RNF169: variants seen among roughly 807,000 people sequenced by gnomAD.
RNF169 encodes ring finger protein 169, also known as E3 ubiquitin-protein ligase RNF169.
RNF169 carries 24 observed loss-of-function variants against 53.9 expected under a neutral mutation model. The observed-to-expected ratio is 0.45, with a 90% CI of 0.32 to 0.63. The LOEUF (loss-of-function observed/expected upper bound fraction) is 0.63. Ranked by LOEUF, RNF169 falls within the 20% of genes least tolerant of loss-of-function variation. The pLI, the probability that RNF169 is intolerant of heterozygous loss-of-function variation, is 0.04. For synonymous variants in RNF169, 396 were observed against 363.5 expected, an observed-to-expected ratio of 1.09 and a Z score of -1.02; for missense variants, 883 against 906.2, an observed-to-expected ratio of 0.97 and a Z score of 0.33.
At chr11:74,821,521 A>G (rs904614609) in intron 4 of RNF169, among the ~76,000 whole-genome samples, 2 of 115,746 alleles carry the variant, frequency 1.7e-5, no homozygotes, top group East Asian at 4.6e-4. Context: ...AGCCGGGCGT[A>G]GTGGCGGGCG....
At chr11:74,783,835 A>G (rs533849097) in intron 1 of RNF169, among the ~76,000 whole-genome samples, 26 of 152,352 alleles carry the variant, frequency 1.7e-4, no homozygotes, top group Non-Finnish European at 2.6e-4. Flanking sequence ...GTCTCACATC[A>G]GCAGTAACAA....
At chr11:74,808,016 A>G (rs1363095768) in intron 2 of RNF169, 6 of 152,170 alleles carry the variant, frequency 3.9e-5, no homozygotes, top group Non-Finnish European at 8.8e-5. Context: ...TTGCGGTGAA[A>G]ATGTTGTTTG....
In RNF169 at chr11:74,837,200, C is replaced by T. The variant is rs928971653; in HGVS notation, c.*470C>T. The T allele has an allele frequency of 2.6e-5, 4 of 154,492 alleles. No homozygotes were observed. The highest frequency in any genetic ancestry group is 9.6e-5 in the African/African-American group (4 of 41,452). 9.6% of individuals were successfully genotyped at this position (154,492 alleles called of 1,614,324 possible). On this transcript the variant is annotated 3_prime_UTR_variant, in exon 6 of 6. Transcript: ENST00000299563. ...ATGGTTATGTTACGCTTTCTGCTGT[C>T]CCTTGCCAAAAATAAGTAAATATAT...
intron 1 of RNF169, among the ~76,000 whole-genome samples, chr11:74,784,604 G>A (rs1565176279): frequency 6.6e-6 from 1 of 152,240 alleles, no homozygotes. Flanking sequence ...AGGGAAACTC[G>A]TTAGAGACTT....
chr11:74,785,585 GTACTT>G (rs2035488584), intron 1 of RNF169, among the ~76,000 whole-genome samples: 1 of 151,894 alleles, frequency 6.6e-6, no homozygotes, highest in East Asian at 1.9e-4. Flanking sequence ...TATTCAAGAA[GTACTT>G]TACTTTCTAT....
chr11:74,766,029 A>G (rs557014507), intron 1 of RNF169, among the ~76,000 whole-genome samples: 1 of 152,232 alleles, frequency 6.6e-6, no homozygotes, highest in East Asian at 1.9e-4. Context: ...AGATTGATCA[A>G]AGAAAAGGCA....
At chr11:74,750,810 GCCAGGCTGGTCTTGAACTCCTGA>G (rs2034878510) in intron 1 of RNF169, among the ~76,000 whole-genome samples, 1 of 148,764 alleles carries the variant, frequency 6.7e-6, no homozygotes, top group South Asian at 2.1e-4. Context: ...CACTGTGTTG[GCCAGGCTGGTCTTGAACTCCTGA>G]CCTTGTGATC....
intron 4 of RNF169, among the ~76,000 whole-genome samples, chr11:74,827,361 C>T (rs995139066): frequency 1.3e-5 from 2 of 152,224 alleles, no homozygotes; most frequent in Non-Finnish European, 2.9e-5. Context: ...ATTTTCTCCT[C>T]CTAGCTTTCT....
intron 1 of RNF169, among the ~76,000 whole-genome samples, chr11:74,787,584 A>G: frequency 6.6e-6 from 1 of 152,136 alleles, no homozygotes; most frequent in South Asian, 2.1e-4. Flanking sequence ...ATAGGTCACT[A>G]TGATTATGCC....
intron 2 of RNF169, among the ~76,000 whole-genome samples, chr11:74,800,574 T>C (rs1398912168): frequency 6.6e-6 from 1 of 152,184 alleles, no homozygotes; most frequent in Non-Finnish European, 1.5e-5. Flanking sequence ...TAGTGCCTGG[T>C]CCATAGTAAA....
intron 4 of RNF169, among the ~76,000 whole-genome samples, chr11:74,833,060 G>A (rs1028413906): frequency 6.6e-6 from 1 of 152,152 alleles, no homozygotes; most frequent in East Asian, 1.9e-4. Context: ...TAAAGTGCAA[G>A]CACGTGATAC....
Position 74,749,134 on chromosome 11 carries a change from A to C in RNF169, c.254A>C (p.His85Pro). ...PGEAAALPCG[H>P]SLCRGCAQRA... ...GAAGCAGCGGCCCTGCCGTGCGGCC[A>C]CTCGCTTTGCCGAGGCTGCGCCCAA... The change falls in exon 1 of 6, where the codon CAC becomes CCC. Residue 85 changes from histidine (H) to proline (P), a missense_variant. Transcript: ENST00000299563. 1.5e-6 allele frequency: 2 copies of C among 1,334,204 alleles called. No individual in the cohort carries two copies. 82.6% of individuals were successfully genotyped at this position (1,334,204 alleles called of 1,614,324 possible).
chr11:74,758,463 G>C (rs996693330), intron 1 of RNF169, among the ~76,000 whole-genome samples: 2 of 150,238 alleles, frequency 1.3e-5, no homozygotes, highest in African/African-American at 4.9e-5. Context: ...TTTGGCTTAG[G>C]ATTGACTTGG....
chr11:74,801,379 T>C lies in RNF169; in HGVS notation c.577-8805T>C, dbSNP rs1191719927. ...CACCAGTCAGACCCTATAGAAGCCG[T>C]AGCTGTTAGTGCCAAGTGAGAGTCC... On this transcript the variant is annotated intron_variant, in intron 2 of 5. Transcript: ENST00000299563. Among the ~76,000 whole-genome samples, 3 of 152,196 alleles carry C rather than the reference T, an allele frequency of 2.0e-5. No homozygotes were observed. In the East Asian group the frequency reaches 5.8e-4, roughly 29 times the overall value.
At chr11:74,769,453 T>G (rs2035226764) in intron 1 of RNF169, among the ~76,000 whole-genome samples, 1 of 152,202 alleles carries the variant, frequency 6.6e-6, no homozygotes, top group Non-Finnish European at 1.5e-5. Flanking sequence ...AGAGATAGAT[T>G]CCTTGCTATG....
intron 3 of RNF169, among the ~76,000 whole-genome samples, chr11:74,813,252 T>C (rs576048516): frequency 5.3e-4 from 81 of 152,332 alleles, no homozygotes; most frequent in African/African-American, 1.9e-3. Context: ...AAATGTCTTA[T>C]CCATTTAAAT....
At chr11:74,765,255 C>T (rs1033893812) in intron 1 of RNF169, among the ~76,000 whole-genome samples, 2 of 151,684 alleles carry the variant, frequency 1.3e-5, no homozygotes, top group African/African-American at 2.4e-5. Context: ...ATAACTTGAT[C>T]TCTACACATA....
rs1231073292 is a variant in RNF169, at chr11:74,836,450, C to A, written c.1847C>A (p.Pro616His). 4 of 1,614,070 alleles carry A rather than the reference C, an allele frequency of 2.5e-6. No individual in the cohort carries two copies. Among genetic ancestry groups the A allele is most frequent in the Non-Finnish European group, 3.4e-6 (4 of 1,180,040 alleles). ...GAGAGCCTAAGTGAAGAGCCACTTC[C>A]TTCTTTGCGTCGAGGCCGGAAAAGA... ...LVESLSEEPLPSLRRGRKRHC... is the reference protein window; with the variant it reads ...LVESLSEEPLHSLRRGRKRHC... The change falls in exon 6 of 6, where the codon CCT becomes CAT. Residue 616 changes from proline (P) to histidine (H), a missense_variant. Physicochemically the swap from Pro to His is moderately conservative, Grantham distance 77. Coordinates refer to ENST00000299563, the MANE Select transcript of RNF169 (RefSeq NM_001098638.2).
intron 1 of RNF169, among the ~76,000 whole-genome samples, chr11:74,784,655 C>G (rs976405051): frequency 6.6e-6 from 1 of 152,222 alleles, no homozygotes; most frequent in African/African-American, 2.4e-5. Flanking sequence ...TAGGCACCCT[C>G]TACCTAGCAT....
Sources: allele counts gnomAD v4.1 joint callset (sites outside exome capture counted in the v4.1 genomes callset), GRCh38; gene constraint gnomAD v4.1.1; transcripts MANE v1.5; gene names NCBI Gene and HGNC (gene_info 2026-07-23, HGNC 2026-07-21).